NBAS: variants seen among roughly 807,000 people sequenced by gnomAD.
NBAS encodes NBAS subunit of NRZ tethering complex, also known as NAG/BC035112 fusion.
NBAS carries 219 observed loss-of-function variants against 302.5 expected under a neutral mutation model. The observed-to-expected ratio is 0.72, with a 90% CI of 0.65 to 0.81. The LOEUF is 0.81. Among genes scored for constraint, NBAS ranks in the 30% least tolerant of loss-of-function variants. The pLI is 0.00. For missense variants in NBAS, 2,932 were observed against 2,841.6 expected (o/e 1.03, Z -0.72); for synonymous variants, 1,118 against 1,021.6 (o/e 1.09, Z -1.80).
At chr2:15,555,771 T>A (rs965612547) in intron 3 of NBAS, among the ~76,000 whole-genome samples, 69 of 152,294 alleles carry the variant, frequency 4.5e-4, no homozygotes, top group African/African-American at 1.6e-3. Context: ...CTACTTCTGA[T>A]GCCTGATCAT....
At chr2:15,255,384 T>C (rs992570400) in intron 44 of NBAS, among the ~76,000 whole-genome samples, 1 of 152,180 alleles carries the variant, frequency 6.6e-6, no homozygotes, top group African/African-American at 2.4e-5. Context: ...TATCTATTCA[T>C]GTCTTTGCTT....
At chr2:14,815,680 T>G in the NBAS span, among the ~76,000 whole-genome samples, 1 of 152,212 alleles carries the variant, frequency 6.6e-6, no homozygotes, top group African/African-American at 2.4e-5. Context: ...CAGACATCTC[T>G]TCTGTGCTCT....
chr2:14,791,312 T>A, the NBAS span, among the ~76,000 whole-genome samples: 1 of 152,146 alleles, frequency 6.6e-6, no homozygotes, highest in South Asian at 2.1e-4. Context: ...TTTCTAACAA[T>A]CTTTGAGAAA....
the NBAS span, among the ~76,000 whole-genome samples, chr2:15,085,799 T>C: frequency 6.6e-6 from 1 of 152,240 alleles, no homozygotes; most frequent in South Asian, 2.1e-4. Context: ...GGAGCAGGGG[T>C]GCACACGCTG....
chr2:15,126,725 A>G, the NBAS span, among the ~76,000 whole-genome samples: 1 of 152,202 alleles, frequency 6.6e-6, no homozygotes, highest in Non-Finnish European at 1.5e-5. Flanking sequence ...GTAGGTACTA[A>G]GGAGGGACAG....
chr2:15,129,076 C>T, the NBAS span, among the ~76,000 whole-genome samples: 9 of 152,240 alleles, frequency 5.9e-5, no homozygotes, highest in African/African-American at 2.2e-4. Context: ...GATGCACAGC[C>T]GCAGCTCTCC....
the NBAS span, among the ~76,000 whole-genome samples, chr2:15,108,968 A>T: frequency 1.8e-4 from 28 of 152,298 alleles, no homozygotes; most frequent in African/African-American, 6.7e-4. Context: ...ATCCACTGGA[A>T]CAAGGAAATA....
intron 48 of NBAS, among the ~76,000 whole-genome samples, chr2:15,195,922 G>A (rs1418125824): frequency 6.6e-6 from 1 of 152,236 alleles, no homozygotes; most frequent in East Asian, 1.9e-4. Flanking sequence ...ATGCCATGGA[G>A]CATGTGGACA....
At chr2:14,944,104 C>T in the NBAS span, among the ~76,000 whole-genome samples, 1 of 152,184 alleles carries the variant, frequency 6.6e-6, no homozygotes, top group Non-Finnish European at 1.5e-5. Context: ...TCGAGACCAT[C>T]CTGGCTAACG....
At chr2:15,067,590 C>T in the NBAS span, among the ~76,000 whole-genome samples, 10 of 152,094 alleles carry the variant, frequency 6.6e-5, no homozygotes, top group Non-Finnish European at 1.3e-4. Flanking sequence ...GAAGGACAAG[C>T]ACTGCATGAT....
the NBAS span, among the ~76,000 whole-genome samples, chr2:14,883,509 A>T: frequency 2.4e-4 from 36 of 152,160 alleles, no homozygotes; most frequent in Admixed American, 5.9e-4. Context: ...AATTTAGAAA[A>T]GGGAAGTGAC....
intron 35 of NBAS, among the ~76,000 whole-genome samples, chr2:15,348,479 C>G (rs1673195077): frequency 6.6e-6 from 1 of 152,062 alleles, no homozygotes; most frequent in African/African-American, 2.4e-5. Context: ...TTTTATAATT[C>G]ACTGTAGAAG....
chr2:15,229,811 G>T (rs768036192), intron 47 of NBAS, among the ~76,000 whole-genome samples: 15 of 151,612 alleles, frequency 9.9e-5, no homozygotes, highest in Admixed American at 1.3e-4. Context: ...AAAAAAAAGA[G>T]GACGTGAAAA....
chr2:15,087,250 ACACACACC>A, the NBAS span, among the ~76,000 whole-genome samples: 3,836 of 151,732 alleles, frequency 0.025, 142 homozygotes, highest in East Asian at 0.1. Flanking sequence ...ACACACACAC[ACACACACC>A]CCATATTGGT....
chr2:15,450,262 A>T (rs1678944306), intron 21 of NBAS, among the ~76,000 whole-genome samples: 1 of 152,230 alleles, frequency 6.6e-6, no homozygotes, highest in Non-Finnish European at 1.5e-5. Flanking sequence ...TTAATTGGGA[A>T]TATATTTTGT....
the NBAS span, among the ~76,000 whole-genome samples, chr2:14,854,665 G>C: frequency 6.6e-6 from 1 of 152,154 alleles, no homozygotes; most frequent in South Asian, 2.1e-4. Flanking sequence ...GCCATTGAAT[G>C]CAGTGCTGTC....
At chr2:15,173,658 T>C (rs1664399797) in intron 51 of NBAS, among the ~76,000 whole-genome samples, 1 of 152,208 alleles carries the variant, frequency 6.6e-6, no homozygotes, top group South Asian at 2.1e-4. Flanking sequence ...TGGCACTTAA[T>C]GGAATACTAC....
the NBAS span, among the ~76,000 whole-genome samples, chr2:14,901,885 C>A: frequency 6.6e-6 from 1 of 152,252 alleles, no homozygotes; most frequent in South Asian, 2.1e-4. Flanking sequence ...CAGGAATGGA[C>A]CCTGGACAAT....
At chr2:14,963,764 A>G in the NBAS span, among the ~76,000 whole-genome samples, 234 of 152,170 alleles carry the variant, frequency 1.5e-3, no homozygotes, top group African/African-American at 4.7e-3. Context: ...CTTGAGCCCA[A>G]TTTTCTCTGG....
Sources: gnomAD v4.1 joint callset for allele counts (sites outside exome capture counted in the v4.1 genomes callset) on GRCh38, gnomAD v4.1.1 for gene constraint, MANE v1.5 for transcripts, NCBI Gene and HGNC (gene_info 2026-07-23, HGNC 2026-07-21) for gene names.